The following ARID5B variants were observed in gnomAD, a reference collection of about 807,000 sequenced individuals.
The protein encoded by ARID5B is AT-rich interactive domain-containing protein 5B.
Under a neutral mutation model 97.2 loss-of-function variants are expected in ARID5B, and 13 were observed. The observed-to-expected ratio is 0.13, with a 90% confidence interval of 0.09 to 0.21. The LOEUF is 0.21. ARID5B is among the 10% of genes least tolerant of loss of function. The pLI, the probability that ARID5B is intolerant of heterozygous loss-of-function variation, is 1.00. For missense variants in ARID5B, 1,210 were observed against 1,465.3 expected (o/e 0.83, Z 2.84); for synonymous variants, 556 against 570.3 (o/e 0.97, Z 0.36).
At chr10:62,015,287 G>C (rs1027535294) in intron 4 of ARID5B, among the ~76,000 whole-genome samples, 6 of 152,148 alleles carry the variant, frequency 3.9e-5, no homozygotes, top group Admixed American at 3.9e-4. Context: ...TACTTAGGTA[G>C]GGATTGTTAC....
intron 4 of ARID5B, among the ~76,000 whole-genome samples, chr10:62,032,132 G>A (rs1268461214): frequency 1.3e-5 from 2 of 152,126 alleles, no homozygotes; most frequent in African/African-American, 4.8e-5. Context: ...GGGCAACAAA[G>A]TGTAAGACTC....
chr10:61,977,735 G>A (rs1477494125), intron 3 of ARID5B, among the ~76,000 whole-genome samples: 3 of 152,096 alleles, frequency 2.0e-5, no homozygotes, highest in African/African-American at 2.4e-5. Flanking sequence ...ATTTGTTTGA[G>A]TTCTTTGTAG....
intron 4 of ARID5B, among the ~76,000 whole-genome samples, chr10:62,011,393 C>T (rs1839216376): frequency 6.6e-6 from 1 of 152,136 alleles, no homozygotes; most frequent in Non-Finnish European, 1.5e-5. Context: ...GTTGCAAGTA[C>T]CATGCTCTAG....
chr10:61,927,051 C>A (rs199525987), intron 2 of ARID5B, among the ~76,000 whole-genome samples: 116 of 152,216 alleles, frequency 7.6e-4, no homozygotes, highest in Middle Eastern at 3.4e-3. Flanking sequence ...CTTGGAGATA[C>A]CAGCAGGAGT....
chr10:62,049,776 A>T (rs1171589030), intron 4 of ARID5B, among the ~76,000 whole-genome samples: 1 of 152,228 alleles, frequency 6.6e-6, no homozygotes, highest in Non-Finnish European at 1.5e-5. Flanking sequence ...CAGTGTAAAA[A>T]TGTCCTAAAA....
At chr10:62,076,279 C>T (rs372220670) in intron 8 of ARID5B, among the ~76,000 whole-genome samples, 191 of 152,260 alleles carry the variant, frequency 1.3e-3, no homozygotes, top group African/African-American at 4.5e-3. Context: ...GTGGCTCACG[C>T]CTATAATCCC....
Position 62,094,807 on chromosome 10 carries a change from C to A in ARID5B, c.*1777C>A, listed in dbSNP as rs1398137777. ...GCAACACTACCAGTAGACTTTAGAA[C>A]CATAGTTAACTAAGTCTTTTACCTC... On this transcript the variant is annotated 3_prime_UTR_variant, in exon 10 of 10. Coordinates refer to ENST00000279873, the MANE Select transcript of ARID5B (RefSeq NM_032199.3). The A allele has an allele frequency of 4.3e-6, 1 of 231,430 alleles. No individual in the cohort carries two copies. The highest frequency in any genetic ancestry group is 8.6e-6 in the Non-Finnish European group (1 of 116,954). 14.3% of individuals were successfully genotyped at this position (231,430 alleles called of 1,614,324 possible). A position where few individuals can be genotyped will look rare whatever the true frequency, so the allele number is the denominator to read the frequency against.
At chr10:62,023,823 C>G (rs149517221) in intron 4 of ARID5B, among the ~76,000 whole-genome samples, 31 of 152,348 alleles carry the variant, frequency 2.0e-4, no homozygotes, top group African/African-American at 7.5e-4. Context: ...CTGCCCTGAA[C>G]TGTGCCCTAG....
chr10:62,083,313 G>GAA lies in ARID5B; in HGVS notation c.1200-2376_1200-2375dup, dbSNP rs35831175. Among the ~76,000 whole-genome samples, 555 of 128,746 alleles carry GAA rather than the reference G, an allele frequency of 4.3e-3. 7 individuals are homozygous for GAA. The highest frequency in any genetic ancestry group is 0.013 in the African/African-American group (424 of 33,896). 84.5% of individuals were successfully genotyped at this position (128,746 alleles called of 152,430 possible). A position where few individuals can be genotyped will look rare whatever the true frequency, so the allele number is the denominator to read the frequency against. ...AAAAAAAAAAAATGAAAGAAAAAATGAAAAAAAAAAAAAAGGAACCGAAAT... is the reference window on the plus strand; with the variant it reads ...AAAAAAAAAAAATGAAAGAAAAAATGAAAAAAAAAAAAAAAAGGAACCGAAAT... On this transcript the variant is annotated intron_variant, in intron 8 of 9. Coordinates refer to ENST00000279873, the MANE Select transcript of ARID5B (RefSeq NM_032199.3).
At chr10:61,985,224 C>CA (rs1838830792) in intron 3 of ARID5B, among the ~76,000 whole-genome samples, 1 of 151,488 alleles carries the variant, frequency 6.6e-6, no homozygotes, top group Non-Finnish European at 1.5e-5. Context: ...TAGGTTGGTG[C>CA]AAAAGTAATT....
At chr10:61,975,862 T>A (rs1838691847) in intron 3 of ARID5B, among the ~76,000 whole-genome samples, 1 of 152,178 alleles carries the variant, frequency 6.6e-6, no homozygotes, top group Admixed American at 6.5e-5. Context: ...AGAATTCTAG[T>A]TTTTGAGTAT....
Position 61,901,746 on chromosome 10 carries a change from C to G in ARID5B, c.21+16C>G, listed in dbSNP as rs767975284. 9.9e-6 allele frequency: 16 copies of G among 1,613,282 alleles called. No homozygotes were observed. The highest frequency in any genetic ancestry group is 1.3e-5 in the Non-Finnish European group (15 of 1,179,742). On this transcript the variant is annotated intron_variant, in intron 1 of 9. Coordinates refer to ENST00000279873, the MANE Select transcript of ARID5B (RefSeq NM_032199.3). ...CTCACTCCAGGTATTTCGCTCTCCT[C>G]CGCTCCTCCGATCCCGGCACCCCCC...
At position 62,061,125 on chromosome 10, in the gene ARID5B, G is replaced by A. The variant is rs143543641; in HGVS notation, c.1101+1830G>A. Among the ~76,000 whole-genome samples, 101 of 152,298 alleles carry A rather than the reference G, an allele frequency of 6.6e-4. 2 individuals carry two copies. Among genetic ancestry groups the A allele is most frequent in the African/African-American group, 2.3e-3 (97 of 41,554 alleles). ...TGTTTTAGACACTGTTAGATGCAAG[G>A]TTTCAGTCAGGCCAGTAATTTCAGT... On this transcript the variant is annotated intron_variant, in intron 7 of 9. Coordinates refer to ENST00000279873, the MANE Select transcript of ARID5B (RefSeq NM_032199.3).
chr10:62,052,452 C>G (rs924249799), intron 5 of ARID5B, among the ~76,000 whole-genome samples: 5 of 152,154 alleles, frequency 3.3e-5, no homozygotes, highest in Non-Finnish European at 7.4e-5. Context: ...TCTGTTGGTG[C>G]CCAGCCCATC....
intron 7 of ARID5B, among the ~76,000 whole-genome samples, chr10:62,067,710 C>T (rs1473145810): frequency 6.6e-6 from 1 of 152,246 alleles, no homozygotes; most frequent in Non-Finnish European, 1.5e-5. Context: ...GACCAGAAGA[C>T]AACCATATGG....
At chr10:62,001,538 T>C (rs574665133) in intron 4 of ARID5B, among the ~76,000 whole-genome samples, 1 of 152,330 alleles carries the variant, frequency 6.6e-6, no homozygotes, top group African/African-American at 2.4e-5. Flanking sequence ...GAGTCCACTA[T>C]GGCCTCTTAA....
intron 3 of ARID5B, among the ~76,000 whole-genome samples, chr10:61,954,920 C>T (rs1019631795): frequency 4.6e-5 from 7 of 151,742 alleles, no homozygotes; most frequent in Admixed American, 1.3e-4. Context: ...GCAGGAGAAT[C>T]GCTTGAACCT....
At chr10:61,940,494 T>G in intron 3 of ARID5B, 86 bp downstream of exon 3, 1 of 1,111,972 alleles carries the variant, frequency 9.0e-7, no homozygotes. Context: ...ACACTATCAT[T>G]TATATATAAA....
intron 3 of ARID5B, among the ~76,000 whole-genome samples, chr10:61,987,583 G>C (rs1838864803): frequency 6.6e-6 from 1 of 152,202 alleles, no homozygotes; most frequent in African/African-American, 2.4e-5. Context: ...AAATATTTTA[G>C]ATTTGTGCAC....
Sources: gnomAD v4.1 joint callset for allele counts (sites outside exome capture counted in the v4.1 genomes callset) on GRCh38, gnomAD v4.1.1 for gene constraint, MANE v1.5 for transcripts, NCBI Gene and HGNC (gene_info 2026-07-23, HGNC 2026-07-21) for gene names.